The following ZDHHC20 variants were observed in gnomAD, a reference collection of about 807,000 sequenced individuals.
The protein encoded by ZDHHC20 is zDHHC palmitoyltransferase 20.
A neutral mutation model predicts 57.8 loss-of-function variants in ZDHHC20; 43 were observed. That is an observed-to-expected ratio of 0.74 (90% confidence interval 0.58 to 0.96). The LOEUF (loss-of-function observed/expected upper bound fraction) is 0.96, where lower values mean the gene tolerates loss of function less well. Among genes scored for constraint, ZDHHC20 ranks in the 40% least tolerant of loss-of-function variants. The probability of loss-of-function intolerance (pLI) is 0.00; values close to 1 mark genes in which losing one functional copy is unlikely to be tolerated. For synonymous variants in ZDHHC20, 157 were observed against 153.0 expected (o/e 1.03, Z -0.19); for missense variants, 391 against 441.1 (o/e 0.89, Z 1.02).
At chr13:21,422,734 C>G (rs1331801827) in intron 2 of ZDHHC20, among the ~76,000 whole-genome samples, 1 of 152,066 alleles carries the variant, frequency 6.6e-6, no homozygotes, top group Non-Finnish European at 1.5e-5. Flanking sequence ...GCTGCAAAAG[C>G]CAATTGGTCT....
In ZDHHC20 at chr13:21,378,683, G is replaced by C. The variant is rs1424745007; in HGVS notation, c.*18C>G. 3 of 1,446,152 alleles carry C rather than the reference G, an allele frequency of 2.1e-6. No homozygotes were observed. The highest frequency in any genetic ancestry group is 2.8e-6 in the Non-Finnish European group (3 of 1,090,716). The allele number at this position is 1,446,152 out of a possible 1,614,324, so 89.6% of individuals were successfully genotyped here. On this transcript the variant is annotated 3_prime_UTR_variant, in exon 12 of 13. Coordinates refer to ENST00000400590, the MANE Select transcript of ZDHHC20 (RefSeq NM_001330059.2). ...TACCTTGCTCTTATTCAAATGGTTAGTTATGAACAAGTGGTACTCAATTTT... is the reference window on the plus strand; with the variant it reads ...TACCTTGCTCTTATTCAAATGGTTACTTATGAACAAGTGGTACTCAATTTT...
chr13:21,419,944 T>A (rs1030563304), intron 3 of ZDHHC20, among the ~76,000 whole-genome samples: 21 of 152,344 alleles, frequency 1.4e-4, no homozygotes, highest in Non-Finnish European at 1.6e-4. Flanking sequence ...TACATTATCA[T>A]CATCATCTAA....
At position 21,459,087 on chromosome 13, in the gene ZDHHC20, A is replaced by G; in HGVS notation, c.85T>C (p.Ser29Pro). The stretch of plus-strand genomic sequence containing the variant: ...AGCTCCACCACGTACGCGTAGTAGG[A>G]CCAGACGACCACGAAGGTGATGAAG... ...VLFITFVVVWSYYAYVVELCV... is the reference protein window; with the variant it reads ...VLFITFVVVWPYYAYVVELCV... The change falls in exon 1 of 13, where the codon TCC becomes CCC. Residue 29 changes from serine to proline, a missense_variant. Coordinates refer to ENST00000400590, the MANE Select transcript of ZDHHC20 (RefSeq NM_001330059.2). The G allele has an allele frequency of 6.2e-7, 1 of 1,606,526 alleles. No individual in the cohort carries two copies. Among genetic ancestry groups the G allele is most frequent in the Admixed American group, 1.7e-5 (1 of 59,400 alleles).
chr13:21,430,659 T>C (rs73441508), intron 1 of ZDHHC20, among the ~76,000 whole-genome samples: 2,742 of 152,276 alleles, frequency 0.018, 73 homozygotes, highest in African/African-American at 0.062. Flanking sequence ...TCTGTCTTAC[T>C]AGGTTGTCCC....
Position 21,402,052 on chromosome 13 carries a change from T to C in ZDHHC20, c.441-367A>G, listed in dbSNP as rs567622240. 3.9e-5 allele frequency among the ~76,000 whole-genome samples: 6 copies of C among 152,152 alleles called. No homozygotes were observed. In the East Asian group the frequency reaches 1.2e-3, roughly 29 times the overall value. ...GAGTTCGAGACCAGCCTGGCTGACA[T>C]AGTGAGACCCTGTCCTGAAAAAAAC... On this transcript the variant is annotated intron_variant, in intron 5 of 12. Transcript: ENST00000400590.
At position 21,425,647 on chromosome 13, in the gene ZDHHC20, C is replaced by A; in HGVS notation, c.145+5G>T. 1 of 1,190,974 alleles carries A rather than the reference C, an allele frequency of 8.4e-7. No individual in the cohort carries two copies. Among genetic ancestry groups the A allele is most frequent in the South Asian group, 1.6e-5 (1 of 62,144 alleles). 73.8% of individuals were successfully genotyped at this position (1,190,974 alleles called of 1,614,324 possible). A position where few individuals can be genotyped will look rare whatever the true frequency, so the allele number is the denominator to read the frequency against. ...TAACTTAAATTGAAACTAAAAGTGCCTTACCATTTTCTTCATTTCCAAAAA... is the reference window on the plus strand; with the variant it reads ...TAACTTAAATTGAAACTAAAAGTGCATTACCATTTTCTTCATTTCCAAAAA... On this transcript the variant is annotated splice_donor_5th_base_variant and intron_variant, in intron 2 of 12. Transcript: ENST00000400590.
chr13:21,407,967 C>T (rs942144153), intron 4 of ZDHHC20, among the ~76,000 whole-genome samples: 1 of 152,170 alleles, frequency 6.6e-6, no homozygotes, highest in Admixed American at 6.5e-5. Flanking sequence ...TGTTTTGTTC[C>T]ATTGGTCTAT....
intron 1 of ZDHHC20, among the ~76,000 whole-genome samples, chr13:21,442,561 C>A (rs568435928): frequency 4.6e-5 from 7 of 152,066 alleles, no homozygotes; most frequent in Non-Finnish European, 7.4e-5. Flanking sequence ...TCAAGACCAG[C>A]CTGGCCAACA....
intron 7 of ZDHHC20, among the ~76,000 whole-genome samples, chr13:21,395,901 G>C (rs555234655): frequency 6.6e-6 from 1 of 152,090 alleles, no homozygotes; most frequent in Non-Finnish European, 1.5e-5. Flanking sequence ...TTAAGAGACA[G>C]CAAACCACTC....
intron 12 of ZDHHC20, chr13:21,377,235 C>CTA: frequency 1.4e-5 from 1 of 72,024 alleles, no homozygotes; most frequent in Non-Finnish European, 2.8e-5. Flanking sequence ...TGCGATCTGA[C>CTA]TGCCCGACAT....
At chr13:21,416,004 C>T (rs1879910798) in intron 3 of ZDHHC20, among the ~76,000 whole-genome samples, 1 of 151,710 alleles carries the variant, frequency 6.6e-6, no homozygotes, top group African/African-American at 2.4e-5. Context: ...AATTCAAGAC[C>T]AGCCTGGCCA....
chr13:21,426,117 C>G (rs1881213437), intron 1 of ZDHHC20, among the ~76,000 whole-genome samples: 1 of 152,112 alleles, frequency 6.6e-6, no homozygotes, highest in Non-Finnish European at 1.5e-5. Context: ...GAGGAACTTA[C>G]CCTGCTAATT....
chr13:21,442,822 G>C (rs1883318228), intron 1 of ZDHHC20, among the ~76,000 whole-genome samples: 1 of 151,084 alleles, frequency 6.6e-6, no homozygotes, highest in East Asian at 1.9e-4. Context: ...TTATATTTAT[G>C]TCTGGATACT....
intron 7 of ZDHHC20, among the ~76,000 whole-genome samples, chr13:21,392,212 T>TTA (rs1223175536): frequency 2.1e-4 from 20 of 95,824 alleles, no homozygotes; most frequent in African/African-American, 6.5e-4. Flanking sequence ...CCCTGTCTCA[T>TTA]AAAAAAAAAA....
At chr13:21,432,751 G>C (rs1882119804) in intron 1 of ZDHHC20, among the ~76,000 whole-genome samples, 1 of 152,182 alleles carries the variant, frequency 6.6e-6, no homozygotes, top group Non-Finnish European at 1.5e-5. Context: ...TTACAGGTGT[G>C]ACCCACCATG....
At chr13:21,399,838 G>A (rs777717232) in intron 7 of ZDHHC20, among the ~76,000 whole-genome samples, 13 of 151,994 alleles carry the variant, frequency 8.6e-5, no homozygotes, top group Non-Finnish European at 1.6e-4. Flanking sequence ...TTGTTATAAA[G>A]AGCTTCCTTA....
At chr13:21,456,279 G>A (rs550088999) in intron 1 of ZDHHC20, among the ~76,000 whole-genome samples, 7 of 152,126 alleles carry the variant, frequency 4.6e-5, no homozygotes, top group South Asian at 2.1e-4. Context: ...GCATGGTGGC[G>A]GGCACCTGTA....
intron 5 of ZDHHC20, among the ~76,000 whole-genome samples, chr13:21,402,006 G>A (rs1877695668): frequency 6.6e-6 from 1 of 152,000 alleles, no homozygotes; most frequent in African/African-American, 2.4e-5. Context: ...AGGTGGAGGC[G>A]ATAGGATCAT....
intron 3 of ZDHHC20, among the ~76,000 whole-genome samples, chr13:21,418,294 G>T (rs1880243786): frequency 6.6e-6 from 1 of 152,150 alleles, no homozygotes; most frequent in South Asian, 2.1e-4. Context: ...GACCTTATAG[G>T]AGTAGAGGAG....
Sources: gnomAD v4.1 joint callset for allele counts (sites outside exome capture counted in the v4.1 genomes callset) on GRCh38, gnomAD v4.1.1 for gene constraint, MANE v1.5 for transcripts, NCBI Gene and HGNC (gene_info 2026-07-23, HGNC 2026-07-21) for gene names.